TNKS: variants seen among roughly 807,000 people sequenced by gnomAD.
TNKS encodes poly [ADP-ribose] polymerase tankyrase-1.
Under a neutral mutation model 135.8 loss-of-function variants are expected in TNKS, and 72 were observed. The observed-to-expected ratio is 0.53, with a 90% CI of 0.44 to 0.64. The LOEUF (loss-of-function observed/expected upper bound fraction) is 0.64, where lower values mean the gene tolerates loss of function less well. TNKS is among the 30% of genes least tolerant of loss of function. The pLI, the probability that TNKS is intolerant of heterozygous loss-of-function variation, is 0.00. For synonymous variants in TNKS, 849 were observed against 649.3 expected (o/e 1.31, Z -4.68); for missense variants, 1,769 against 1,674.0 (o/e 1.06, Z -0.99).
chr8:9,748,997 C>G (rs1261089535), intron 18 of TNKS, among the ~76,000 whole-genome samples: 1 of 152,096 alleles, frequency 6.6e-6, no homozygotes, highest in East Asian at 1.9e-4. Context: ...ATTAAGTGGT[C>G]TTGTTAGAAT....
chr8:9,629,808 G>C (rs1026228967), intron 3 of TNKS, among the ~76,000 whole-genome samples: 2 of 152,126 alleles, frequency 1.3e-5, no homozygotes, highest in African/African-American at 4.8e-5. Context: ...TCAGCCTCCT[G>C]AGTAGCTGGG....
intron 1 of TNKS, among the ~76,000 whole-genome samples, chr8:9,560,088 G>C (rs2129049090): frequency 1.3e-5 from 2 of 152,182 alleles, no homozygotes; most frequent in Admixed American, 1.3e-4. Context: ...AAGTATAGCA[G>C]TCAAAATAGT....
At chr8:9,600,511 C>T (rs1798976857) in intron 2 of TNKS, among the ~76,000 whole-genome samples, 1 of 152,010 alleles carries the variant, frequency 6.6e-6, no homozygotes, top group Non-Finnish European at 1.5e-5. Context: ...ACAGGTCTCG[C>T]CATGTTGACC....
At chr8:9,625,562 G>A (rs921035572) in intron 3 of TNKS, among the ~76,000 whole-genome samples, 1 of 151,744 alleles carries the variant, frequency 6.6e-6, no homozygotes, top group Non-Finnish European at 1.5e-5. Flanking sequence ...GCTGTGATTC[G>A]CACATTTTGA....
chr8:9,611,614 G>A (rs1799466353), intron 2 of TNKS, among the ~76,000 whole-genome samples: 2 of 152,160 alleles, frequency 1.3e-5, no homozygotes, highest in African/African-American at 4.8e-5. Context: ...CCAGAATTGA[G>A]TCTTAGATGA....
chr8:9,717,484 C>T (rs1420206074), intron 11 of TNKS, among the ~76,000 whole-genome samples: 1 of 152,010 alleles, frequency 6.6e-6, no homozygotes, highest in Non-Finnish European at 1.5e-5. Flanking sequence ...CCCTCAATTT[C>T]CAGGGAAAGA....
At chr8:9,643,933 T>A (rs1172672285) in intron 3 of TNKS, among the ~76,000 whole-genome samples, 2 of 152,168 alleles carry the variant, frequency 1.3e-5, no homozygotes, top group African/African-American at 2.4e-5. Context: ...GGAGTATTAA[T>A]CAGCCTTAAA....
chr8:9,562,900 G>A (rs1156571227), intron 1 of TNKS, among the ~76,000 whole-genome samples: 1 of 150,406 alleles, frequency 6.6e-6, no homozygotes, highest in Admixed American at 6.6e-5. Context: ...ATGTCTTGGT[G>A]TTCGTTTCTC....
At chr8:9,606,312 G>A (rs1243811829) in intron 2 of TNKS, among the ~76,000 whole-genome samples, 1 of 151,520 alleles carries the variant, frequency 6.6e-6, no homozygotes, top group Non-Finnish European at 1.5e-5. Flanking sequence ...TGTTCTGTTG[G>A]TTTACATACC....
Position 9,733,268 on chromosome 8 carries a change from CT to C in TNKS, c.2148-7del, listed in dbSNP as rs746124325. On this transcript the variant is annotated splice_polypyrimidine_tract_variant and intron_variant, in intron 14 of 26. Coordinates refer to ENST00000310430, the MANE Select transcript of TNKS (RefSeq NM_003747.3). ...TGTTTTATGACTTTAAAATAACTTTCTTTTGTTTAGTGGCTTGGTGCCCCTT... is the reference window on the plus strand; with the variant it reads ...TGTTTTATGACTTTAAAATAACTTTCTTTGTTTAGTGGCTTGGTGCCCCTT... The C allele has an allele frequency of 6.5e-7, 1 of 1,546,604 alleles. No homozygotes were observed. Among genetic ancestry groups the C allele is most frequent in the East Asian group, 2.3e-5 (1 of 44,078 alleles).
chr8:9,630,909 C>T (rs1015698451), intron 3 of TNKS, among the ~76,000 whole-genome samples: 7 of 152,176 alleles, frequency 4.6e-5, no homozygotes, highest in Admixed American at 1.3e-4. Context: ...TCCAGAAATT[C>T]TTTACTATAT....
At chr8:9,603,589 G>T (rs1799103879) in intron 2 of TNKS, among the ~76,000 whole-genome samples, 1 of 152,112 alleles carries the variant, frequency 6.6e-6, no homozygotes, top group African/African-American at 2.4e-5. Flanking sequence ...CATTGTACTA[G>T]AATACCTGTT....
chr8:9,655,429 C>T (rs888137824), intron 3 of TNKS, among the ~76,000 whole-genome samples: 44 of 152,290 alleles, frequency 2.9e-4, no homozygotes, highest in African/African-American at 8.7e-4. Flanking sequence ...GATCCGAGAA[C>T]GGGCAGACTG....
chr8:9,628,377 T>C (rs778469122), intron 3 of TNKS, among the ~76,000 whole-genome samples: 5 of 152,182 alleles, frequency 3.3e-5, no homozygotes, highest in Non-Finnish European at 7.4e-5. Flanking sequence ...TTTTTCTCCC[T>C]GAGTTTTTTA....
intron 2 of TNKS, among the ~76,000 whole-genome samples, chr8:9,610,307 A>C (rs1211933619): frequency 2.0e-5 from 3 of 151,392 alleles, no homozygotes; most frequent in Non-Finnish European, 4.4e-5. Context: ...TAATATATAT[A>C]TACTGTATTA....
intron 1 of TNKS, among the ~76,000 whole-genome samples, chr8:9,576,677 C>G (rs1298995135): frequency 2.6e-5 from 4 of 152,050 alleles, no homozygotes; most frequent in Non-Finnish European, 5.9e-5. Flanking sequence ...TCACTTCCCA[C>G]CAGGCCCCTC....
chr8:9,605,449 A>T (rs572366571), intron 2 of TNKS, among the ~76,000 whole-genome samples: 1 of 152,002 alleles, frequency 6.6e-6, no homozygotes, highest in African/African-American at 2.4e-5. Context: ...TTCACATGCA[A>T]GTCTTTTGTG....
chr8:9,695,701 G>A (rs988138428), intron 5 of TNKS, among the ~76,000 whole-genome samples: 8 of 152,180 alleles, frequency 5.3e-5, no homozygotes, highest in African/African-American at 1.7e-4. Flanking sequence ...CCACTAGCCA[G>A]CTGAGAGAGG....
intron 21 of TNKS, among the ~76,000 whole-genome samples, chr8:9,762,506 CT>C (rs67581048): frequency 0.41 from 61,830 of 151,410 alleles, 12,920 homozygotes; most frequent in East Asian, 0.5. Context: ...GCCTGTTTTT[CT>C]TTTTTTTTGT....
Sources: allele counts gnomAD v4.1 joint callset (sites outside exome capture counted in the v4.1 genomes callset), GRCh38; gene constraint gnomAD v4.1.1; transcripts MANE v1.5; gene names NCBI Gene and HGNC (gene_info 2026-07-23, HGNC 2026-07-21).